Variants in CSMD1 observed in about 807,000 individuals in gnomAD.
CSMD1 encodes CUB and sushi domain-containing protein 1.
A neutral mutation model predicts 417.5 loss-of-function variants in CSMD1; 213 were observed. The ratio of observed to expected loss-of-function variants is 0.51; its 90% CI spans 0.46 to 0.57. CSMD1 has a LOEUF of 0.57. Ranked by LOEUF, CSMD1 falls within the 20% of genes least tolerant of loss-of-function variation. The pLI is 0.00. For synonymous variants in CSMD1, 2,862 were observed against 1,736.8 expected (o/e 1.65, Z -16.11); for missense variants, 6,923 against 4,529.7 (o/e 1.53, Z -15.17).
chr8:4,376,633 C>T (rs887393333), intron 3 of CSMD1, among the ~76,000 whole-genome samples: 1 of 152,112 alleles, frequency 6.6e-6, no homozygotes, highest in South Asian at 2.1e-4. Flanking sequence ...TATTTCTTTT[C>T]AGAAGGGTTG....
At chr8:3,183,224 GT>G (rs1315541048) in intron 36 of CSMD1, 1 of 129,418 alleles carries the variant, frequency 7.7e-6, no homozygotes, top group Non-Finnish European at 1.7e-5. Flanking sequence ...GGTCTCTAAC[GT>G]TTCTTAACGA....
chr8:3,975,527 C>T (rs916259765), intron 5 of CSMD1, among the ~76,000 whole-genome samples: 1 of 152,194 alleles, frequency 6.6e-6, no homozygotes, highest in Non-Finnish European at 1.5e-5. Flanking sequence ...CAGGTTGCTG[C>T]TGCCATGGCT....
At chr8:3,232,940 T>C (rs982882808) in intron 26 of CSMD1, among the ~76,000 whole-genome samples, 5 of 151,048 alleles carry the variant, frequency 3.3e-5, no homozygotes, top group Admixed American at 6.6e-5. Flanking sequence ...TTCAGTTATT[T>C]AAAAAAAAAA....
At chr8:4,469,581 C>T (rs1480961133) in intron 2 of CSMD1, among the ~76,000 whole-genome samples, 1 of 152,174 alleles carries the variant, frequency 6.6e-6, no homozygotes, top group Admixed American at 6.5e-5. Context: ...CTTGTGCAAA[C>T]ACCTTGGAGT....
intron 12 of CSMD1, among the ~76,000 whole-genome samples, chr8:3,435,769 T>G (rs192596694): frequency 3.3e-5 from 5 of 152,246 alleles, no homozygotes; most frequent in Non-Finnish European, 7.4e-5. Context: ...GTGTGTCAGG[T>G]CAGGCAACTG....
chr8:3,793,750 C>A lies in CSMD1; in HGVS notation c.819-39708G>T, dbSNP rs532993308. 3.3e-5 allele frequency among the ~76,000 whole-genome samples: 5 copies of A among 152,240 alleles called. No individual in the cohort carries two copies. In the South Asian group the frequency reaches 8.3e-4, roughly 25 times the overall value. ...CACTTTTTATTTTCGTAGGATCTCT[C>A]TGGAACTGGTAGGAACTTGACGACA... is the stretch of plus-strand genomic sequence containing the variant. On this transcript the variant is annotated intron_variant, in intron 5 of 69. Transcript: ENST00000635120.
intron 41 of CSMD1, among the ~76,000 whole-genome samples, chr8:3,131,162 G>C (rs1022803001): frequency 6.6e-6 from 1 of 152,060 alleles, no homozygotes; most frequent in Non-Finnish European, 1.5e-5. Context: ...ACAAAAGTGC[G>C]ATAAAGCAAA....
intron 6 of CSMD1, among the ~76,000 whole-genome samples, chr8:3,751,393 T>G (rs994229536): frequency 1.0e-4 from 15 of 147,848 alleles, no homozygotes; most frequent in Non-Finnish European, 1.5e-4. Context: ...ATTTCTTATA[T>G]AAATATAATA....
At chr8:3,740,847 G>A (rs1396831933) in intron 6 of CSMD1, among the ~76,000 whole-genome samples, 1 of 152,124 alleles carries the variant, frequency 6.6e-6, no homozygotes, top group African/African-American at 2.4e-5. Flanking sequence ...CAGTGGAGGA[G>A]AGTATAGCAG....
Position 3,913,278 on chromosome 8 carries a change from G to C in CSMD1, c.818+84625C>G, listed in dbSNP as rs1239599706. Reference sequence around the variant, plus strand: ...AGAATGACAATGGAAGCCATGGGGAGGTTTTTGTCAAAGGATCCTGTGAGG... The same window carrying C: ...AGAATGACAATGGAAGCCATGGGGACGTTTTTGTCAAAGGATCCTGTGAGG... On this transcript the variant is annotated intron_variant, in intron 5 of 69. Transcript: ENST00000635120. Among the ~76,000 whole-genome samples the C allele has an allele frequency of 3.9e-5, 6 of 152,240 alleles. No individual in the cohort carries two copies. The East Asian group carries it at 5.8e-4, about 15-fold the overall frequency.
intron 12 of CSMD1, among the ~76,000 whole-genome samples, chr8:3,452,125 A>G (rs1202806259): frequency 6.6e-6 from 1 of 152,056 alleles, no homozygotes; most frequent in African/African-American, 2.4e-5. Context: ...TTTGTCTGTT[A>G]TTGTTTTATA....
chr8:3,660,257 T>C (rs929232312), intron 7 of CSMD1, among the ~76,000 whole-genome samples: 2 of 152,188 alleles, frequency 1.3e-5, no homozygotes, highest in South Asian at 2.1e-4. Flanking sequence ...GGATCTTGTA[T>C]ACATTCTTTG....
At chr8:4,822,816 A>G (rs116958465) in intron 1 of CSMD1, among the ~76,000 whole-genome samples, 4,556 of 152,212 alleles carry the variant, frequency 0.03, 90 homozygotes, top group Non-Finnish European at 0.043. Context: ...TGGTTTGATG[A>G]AACCATATGT....
In CSMD1 at chr8:3,997,833, G is replaced by T. The variant is rs530208151; in HGVS notation, c.818+70C>A. ...GAACGTCCAGAGACAAGCAATTCTT[G>T]AAGCTCGTTGGGGGAAAAAACGGGG... On this transcript the variant is annotated intron_variant, in intron 5 of 69. Coordinates refer to ENST00000635120, the MANE Select transcript of CSMD1 (RefSeq NM_033225.6). 45 of 1,358,852 alleles carry T rather than the reference G, an allele frequency of 3.3e-5. No homozygotes were observed. In the East Asian group the frequency reaches 4.2e-4, roughly 13 times the overall value. The allele number at this position is 1,358,852 out of a possible 1,614,324, so 84.2% of individuals were successfully genotyped here. A position where few individuals can be genotyped will look rare whatever the true frequency, so the allele number is the denominator to read the frequency against.
chr8:3,152,952 C>G (rs1229133719), intron 39 of CSMD1, among the ~76,000 whole-genome samples: 2 of 152,144 alleles, frequency 1.3e-5, no homozygotes, highest in Non-Finnish European at 1.5e-5. Flanking sequence ...ATCCAACTGT[C>G]AGAGGTGTTA....
At chr8:4,453,821 T>TTC (rs1563192178) in intron 2 of CSMD1, among the ~76,000 whole-genome samples, 7 of 122,318 alleles carry the variant, frequency 5.7e-5, no homozygotes, top group African/African-American at 2.3e-4. Flanking sequence ...TTTCTTTTTT[T>TTC]TTTTTTTTTT....
At chr8:4,253,313 GTC>G (rs1477456205) in intron 3 of CSMD1, among the ~76,000 whole-genome samples, 1 of 152,018 alleles carries the variant, frequency 6.6e-6, no homozygotes, top group Non-Finnish European at 1.5e-5. Flanking sequence ...TTCATGTTTT[GTC>G]TCTTTTTTCC....
chr8:4,687,804 C>T (rs1806486182), intron 1 of CSMD1, among the ~76,000 whole-genome samples: 2 of 148,232 alleles, frequency 1.3e-5, no homozygotes, highest in Admixed American at 1.4e-4. Context: ...AATGCATGCA[C>T]AGACAGATAC....
intron 1 of CSMD1, among the ~76,000 whole-genome samples, chr8:4,773,161 T>A (rs1428917271): frequency 6.6e-6 from 1 of 152,182 alleles, no homozygotes; most frequent in Non-Finnish European, 1.5e-5. Context: ...ATCAGAAATC[T>A]GAAATGTTCC....
Sources: allele counts gnomAD v4.1 joint callset (sites outside exome capture counted in the v4.1 genomes callset), GRCh38; gene constraint gnomAD v4.1.1; transcripts MANE v1.5; gene names NCBI Gene and HGNC (gene_info 2026-07-23, HGNC 2026-07-21).